MCC: variants seen among roughly 807,000 people sequenced by gnomAD.
The protein encoded by MCC is MCC regulator of Wnt signaling pathway.
A neutral mutation model predicts 116.2 loss-of-function variants in MCC; 90 were observed. The observed-to-expected ratio is 0.77, with a 90% confidence interval of 0.65 to 0.92. The LOEUF (loss-of-function observed/expected upper bound fraction) is 0.92, where lower values mean the gene tolerates loss of function less well. MCC is among the 40% of genes least tolerant of loss of function. The probability of loss-of-function intolerance (pLI) is 0.00; values close to 1 mark genes in which losing one functional copy is unlikely to be tolerated. For missense variants in MCC, 1,516 were observed against 1,312.2 expected, an observed-to-expected ratio of 1.16 and a Z score of -2.40; for synonymous variants, 578 against 510.5, an observed-to-expected ratio of 1.13 and a Z score of -1.78.
intron 1 of MCC, among the ~76,000 whole-genome samples, chr5:113,444,222 T>A (rs1771139584): frequency 6.6e-6 from 1 of 152,110 alleles, no homozygotes; most frequent in African/African-American, 2.4e-5. Flanking sequence ...CAATTTTAAC[T>A]GGCCGGTCAT....
At chr5:113,175,364 C>T (rs1253065987) in intron 3 of MCC, among the ~76,000 whole-genome samples, 4 of 152,064 alleles carry the variant, frequency 2.6e-5, no homozygotes, top group Non-Finnish European at 1.5e-5. Context: ...ATTTCAGGGA[C>T]GTATTTATTC....
At chr5:113,456,400 C>T (rs559065602) in intron 1 of MCC, among the ~76,000 whole-genome samples, 1 of 152,282 alleles carries the variant, frequency 6.6e-6, no homozygotes, top group East Asian at 1.9e-4. Flanking sequence ...TTTTACATTA[C>T]ATATACCAGT....
At chr5:113,459,123 G>A (rs1580403804) in intron 1 of MCC, among the ~76,000 whole-genome samples, 1 of 137,838 alleles carries the variant, frequency 7.3e-6, no homozygotes, top group African/African-American at 2.7e-5. Context: ...CTCTGGGGAG[G>A]AGTAAGGATA....
intron 1 of MCC, among the ~76,000 whole-genome samples, chr5:113,487,456 G>A (rs1011497991): frequency 6.6e-6 from 1 of 152,230 alleles, no homozygotes; most frequent in Non-Finnish European, 1.5e-5. Flanking sequence ...TTGGGCAGAA[G>A]TAATTATTTG....
At chr5:113,392,934 A>T (rs1769435625) in intron 1 of MCC, among the ~76,000 whole-genome samples, 1 of 152,234 alleles carries the variant, frequency 6.6e-6, no homozygotes, top group Non-Finnish European at 1.5e-5. Context: ...AAAGAAATGC[A>T]TCTACAATGT....
intron 1 of MCC, among the ~76,000 whole-genome samples, chr5:113,425,251 A>T (rs1770450605): frequency 6.6e-6 from 1 of 152,224 alleles, no homozygotes; most frequent in Admixed American, 6.5e-5. Context: ...TCACTTCAAA[A>T]TTCCAAGAGA....
intron 16 of MCC, among the ~76,000 whole-genome samples, chr5:113,046,710 A>AAAAAAAAAAAAAAAAAAAAAAAAAAAGAG: frequency 2.9e-5 from 3 of 102,408 alleles, no homozygotes; most frequent in African/African-American, 4.0e-5. Context: ...AAAAAAAAAA[A>AAAAAAAAAAAAAAAAAAAAAAAAAAAGAG]AGAGAGAGAT....
chr5:113,123,814 G>A (rs1757871660), intron 5 of MCC, among the ~76,000 whole-genome samples: 1 of 152,208 alleles, frequency 6.6e-6, no homozygotes, highest in Non-Finnish European at 1.5e-5. Context: ...ACTTGGGTCT[G>A]CTCAGCTTCA....
chr5:113,440,718 G>A (rs544533648), intron 1 of MCC, among the ~76,000 whole-genome samples: 29 of 152,158 alleles, frequency 1.9e-4, no homozygotes, highest in African/African-American at 7.0e-4. Flanking sequence ...AAGGGAACAG[G>A]TAAGAAACTA....
chr5:113,224,204 C>T (rs563300200), intron 3 of MCC, among the ~76,000 whole-genome samples: 19 of 152,230 alleles, frequency 1.2e-4, no homozygotes, highest in African/African-American at 4.6e-4. Flanking sequence ...AAGTGATTCT[C>T]CTGCCTCAGC....
intron 3 of MCC, among the ~76,000 whole-genome samples, chr5:113,248,438 T>C (rs929247531): frequency 6.6e-6 from 1 of 152,122 alleles, no homozygotes; most frequent in Middle Eastern, 3.2e-3. Flanking sequence ...TCAGTAAATA[T>C]AAAAATAAAT....
intron 3 of MCC, among the ~76,000 whole-genome samples, chr5:113,234,099 T>C (rs7703865): frequency 0.098 from 14,927 of 152,228 alleles, 1,198 homozygotes; most frequent in Admixed American, 0.25. Context: ...GTGCTCAATA[T>C]TTGTTGACTA....
chr5:113,351,068 C>A (rs1482702963), intron 2 of MCC, among the ~76,000 whole-genome samples: 2 of 151,990 alleles, frequency 1.3e-5, no homozygotes, highest in Non-Finnish European at 2.9e-5. Flanking sequence ...GAAAAGGGAA[C>A]CCTCATACAC....
intron 3 of MCC, among the ~76,000 whole-genome samples, chr5:113,226,086 G>A (rs1242097964): frequency 6.6e-6 from 1 of 152,262 alleles, no homozygotes; most frequent in African/African-American, 2.4e-5. Flanking sequence ...TGAGGCTGGA[G>A]AATTGCTTGA....
At chr5:113,085,094 T>A (rs1301701311) in intron 9 of MCC, 70 bp downstream of exon 9, 1 of 1,606,326 alleles carries the variant, frequency 6.2e-7, no homozygotes, top group Non-Finnish European at 8.5e-7. Flanking sequence ...GTACAGTGGC[T>A]AGGATGAGCC....
intron 3 of MCC, among the ~76,000 whole-genome samples, chr5:113,187,979 C>A (rs1761983719): frequency 6.6e-6 from 1 of 152,114 alleles, no homozygotes; most frequent in Admixed American, 6.5e-5. Flanking sequence ...TGGTATGTGG[C>A]CCTGCTCAAG....
Position 113,027,353 on chromosome 5 carries a change from A to G in MCC, c.3009T>C (p.Ala1003=). ...GCCTGGAGTTCTCCTCCTCTAGCAG[A>G]GCTATTCTTTGCTTGAGCATCCTCA... is the stretch of plus-strand genomic sequence containing the variant. ...TQVRMLKQRI[A]LLEEENSRPH... is the part of the protein sequence containing the mutation. The change falls in exon 19 of 19, where the codon GCT becomes GCC. Residue 1003 remains alanine, a synonymous_variant. Coordinates refer to ENST00000408903, the MANE Select transcript of MCC (RefSeq NM_001085377.2). 6.2e-7 allele frequency: 1 copy of G among 1,614,130 alleles called. No individual in the cohort carries two copies. The highest frequency in any genetic ancestry group is 8.5e-7 in the Non-Finnish European group (1 of 1,180,016).
rs149153544 is a variant in MCC at position 113,082,931 on chromosome 5, G to C, written c.1713C>G (p.Leu571=). 6.0e-4 allele frequency: 975 copies of C among 1,614,150 alleles called. 6 individuals are homozygous for C. In the African/African-American group the frequency reaches 0.012, roughly 19 times the overall value. The change falls in exon 11 of 19, where the codon CTC becomes CTG. Residue 571 remains leucine (L), a synonymous_variant. Coordinates refer to ENST00000408903, the MANE Select transcript of MCC (RefSeq NM_001085377.2). Reference sequence around the variant, plus strand: ...CTGAGATGGCAGATCCGTGTGAGTAGAGTGTTTGGAAAATCTCTTGGATAT... The same window carrying C: ...CTGAGATGGCAGATCCGTGTGAGTACAGTGTTTGGAAAATCTCTTGGATAT... The part of the protein sequence containing the change: ...CSNIQEIFQT[L]YSHGSAISES...
chr5:113,361,170 C>T (rs957399348), intron 2 of MCC, among the ~76,000 whole-genome samples: 18 of 151,868 alleles, frequency 1.2e-4, no homozygotes, highest in African/African-American at 3.6e-4. Flanking sequence ...GCTTTCTAAT[C>T]GTCTTTTTTT....
Sources: gnomAD v4.1 joint callset for allele counts (sites outside exome capture counted in the v4.1 genomes callset) on GRCh38, gnomAD v4.1.1 for gene constraint, MANE v1.5 for transcripts, NCBI Gene and HGNC (gene_info 2026-07-23, HGNC 2026-07-21) for gene names.